The following PTPN13 variants were observed in gnomAD, a reference collection of about 807,000 sequenced individuals.
PTPN13 encodes protein tyrosine phosphatase non-receptor type 13, also known as tyrosine-protein phosphatase non-receptor type 13.
In PTPN13, 191 loss-of-function variants were observed where a neutral mutation model predicts 284.0. The ratio of observed to expected loss-of-function variants is 0.67; its 90% CI spans 0.60 to 0.76. The LOEUF (loss-of-function observed/expected upper bound fraction) is 0.76, where lower values mean the gene tolerates loss of function less well. Ranked by LOEUF, PTPN13 falls within the 30% of genes least tolerant of loss-of-function variation. The pLI is 0.00. For missense variants in PTPN13, 2,797 were observed against 2,939.9 expected, an observed-to-expected ratio of 0.95 and a Z score of 1.12; for synonymous variants, 986 against 1,022.3, an observed-to-expected ratio of 0.96 and a Z score of 0.68.
chr4:86,773,132 A>C (rs1348643052), intron 32 of PTPN13, among the ~76,000 whole-genome samples, 174 bp downstream of exon 32: 1 of 152,172 alleles, frequency 6.6e-6, no homozygotes, highest in Non-Finnish European at 1.5e-5. Context: ...AATAAGGCAA[A>C]AAGACCTGAG....
chr4:86,765,092 A>T (rs903521166), intron 25 of PTPN13, among the ~76,000 whole-genome samples: 1 of 152,202 alleles, frequency 6.6e-6, no homozygotes, highest in Non-Finnish European at 1.5e-5. Flanking sequence ...ATATTTCTGT[A>T]TACTCTCCAT....
At chr4:86,797,633 C>T (rs1405691657) in intron 41 of PTPN13, among the ~76,000 whole-genome samples, 1 of 151,856 alleles carries the variant, frequency 6.6e-6, no homozygotes, top group Admixed American at 6.6e-5. Context: ...AAAGCGTGAC[C>T]CTAAATGGAA....
intron 2 of PTPN13, among the ~76,000 whole-genome samples, chr4:86,637,264 G>A (rs1578304680): frequency 6.6e-6 from 1 of 151,646 alleles, no homozygotes; most frequent in South Asian, 2.1e-4. Context: ...GGAGGAACTG[G>A]TACCATTCCT....
chr4:86,733,446 G>A (rs1370607141), intron 12 of PTPN13, among the ~76,000 whole-genome samples: 3 of 152,028 alleles, frequency 2.0e-5, no homozygotes, highest in African/African-American at 4.8e-5. Context: ...AGGCAACAAA[G>A]TACTATAAAT....
At chr4:86,760,739 G>C (rs892703336) in intron 23 of PTPN13, among the ~76,000 whole-genome samples, 2 of 151,684 alleles carry the variant, frequency 1.3e-5, no homozygotes, top group Non-Finnish European at 2.9e-5. Context: ...TTTTTTTTCT[G>C]TCCATGCTAA....
At chr4:86,686,857 T>G in intron 4 of PTPN13, 82 bp downstream of exon 4, 1 of 925,224 alleles carries the variant, frequency 1.1e-6, no homozygotes, top group Non-Finnish European at 1.7e-6. Context: ...CACACGTTTA[T>G]ACGTGTTCTA....
At chr4:86,699,047 TTGGCCTTCAAC>T (rs1371899262) in intron 6 of PTPN13, among the ~76,000 whole-genome samples, 1 of 152,112 alleles carries the variant, frequency 6.6e-6, no homozygotes, top group African/African-American at 2.4e-5. Context: ...ATATTGGGGA[TTGGCCTTCAAC>T]TGGCAGGAAA....
chr4:86,716,514 GT>G lies in PTPN13; in HGVS notation c.1196-12del. 1 of 1,477,290 alleles carries G rather than the reference GT, an allele frequency of 6.8e-7. No homozygotes were observed. Among genetic ancestry groups the G allele is most frequent in the Non-Finnish European group, 9.2e-7 (1 of 1,086,440 alleles). The allele number at this position is 1,477,290 out of a possible 1,614,324, so 91.5% of individuals were successfully genotyped here. The stretch of plus-strand genomic sequence containing the variant: ...AATGAGTTTGCTTTCTAATCTTTTT[GT>G]TTTAATCCTTTTAGAACCAGTTCGA... On this transcript the variant is annotated splice_polypyrimidine_tract_variant and intron_variant, in intron 7 of 47. Transcript: ENST00000411767.
At chr4:86,615,825 C>T (rs1720482995) in intron 1 of PTPN13, among the ~76,000 whole-genome samples, 1 of 152,144 alleles carries the variant, frequency 6.6e-6, no homozygotes, top group Non-Finnish European at 1.5e-5. Flanking sequence ...AATGTTTTAA[C>T]ATTAAAAGAT....
chr4:86,693,094 G>T (rs984173028), intron 5 of PTPN13, among the ~76,000 whole-genome samples: 41 of 110,976 alleles, frequency 3.7e-4, no homozygotes, highest in African/African-American at 1.2e-3. Context: ...AAAAAAAAAA[G>T]ACTTAGCATT....
rs183306933 is a variant in PTPN13 at position 86,701,635 on chromosome 4, A to G, written c.1029A>G (p.Arg343=). 6.2e-7 allele frequency: 1 copy of G among 1,613,966 alleles called. No homozygotes were observed. The highest frequency in any genetic ancestry group is 8.5e-7 in the Non-Finnish European group (1 of 1,179,870). The part of the protein sequence containing the change: ...TSTTPRKKEA[R]YSDGSIALDI... ...CTACTCCTAGAAAAAAGGAGGCAAGATACTCAGATGGAAGTATAGCCTTGG... is the reference window on the plus strand; with the variant it reads ...CTACTCCTAGAAAAAAGGAGGCAAGGTACTCAGATGGAAGTATAGCCTTGG... The change falls in exon 7 of 48, where the codon AGA becomes AGG. Residue 343 remains arginine (R), a synonymous_variant. Transcript: ENST00000411767.
Position 86,775,515 on chromosome 4 carries a change from C to T in PTPN13, c.5754C>T (p.Val1918=), listed in dbSNP as rs761609909. ...VYISDINPRS[V]AAIEGNLQLL... ...TTAGTGATATTAATCCAAGGTCCGT[C>T]GCAGCCATTGAGGGTAATCTCCAGC... The change falls in exon 35 of 48, where the codon GTC becomes GTT. Residue 1918 remains valine (V), a synonymous_variant. Coordinates refer to ENST00000411767, the MANE Select transcript of PTPN13 (RefSeq NM_080683.3). 17 of 1,612,330 alleles carry T rather than the reference C, an allele frequency of 1.1e-5. No homozygotes were observed. Among genetic ancestry groups the T allele is most frequent in the African/African-American group, 2.7e-5 (2 of 74,854 alleles).
intron 7 of PTPN13, among the ~76,000 whole-genome samples, chr4:86,714,894 G>T (rs1352750937): frequency 6.6e-6 from 1 of 152,166 alleles, no homozygotes; most frequent in Admixed American, 6.6e-5. Context: ...ACAAAGTAGT[G>T]TAAGAGTTGC....
At chr4:86,701,906 C>A in intron 7 of PTPN13, 105 bp downstream of exon 7, 2 of 1,134,804 alleles carry the variant, frequency 1.8e-6, no homozygotes, top group African/African-American at 1.6e-5. Flanking sequence ...TTTTCACTGC[C>A]AAATTTTTGT....
At chr4:86,616,666 C>T (rs1476758730) in intron 1 of PTPN13, among the ~76,000 whole-genome samples, 1 of 152,070 alleles carries the variant, frequency 6.6e-6, no homozygotes, top group Non-Finnish European at 1.5e-5. Context: ...CCTCCCCACC[C>T]ACTCTTTCTC....
intron 1 of PTPN13, among the ~76,000 whole-genome samples, chr4:86,605,452 A>G (rs1455410107): frequency 6.6e-6 from 1 of 151,912 alleles, no homozygotes; most frequent in Non-Finnish European, 1.5e-5. Flanking sequence ...TGAGATTAAG[A>G]GATTTAAAAT....
chr4:86,734,557 T>A, intron 13 of PTPN13, 101 bp downstream of exon 13: 2 of 1,269,350 alleles, frequency 1.6e-6, no homozygotes, highest in Non-Finnish European at 1.1e-6. Context: ...AATGATAATG[T>A]CTGCTTTATC....
At chr4:86,604,916 A>T (rs1764617926) in intron 1 of PTPN13, among the ~76,000 whole-genome samples, 2 of 152,066 alleles carry the variant, frequency 1.3e-5, no homozygotes, top group Admixed American at 1.3e-4. Flanking sequence ...ATATTGTAAA[A>T]TAATGATTAA....
At chr4:86,686,173 C>T (rs533405155) in intron 3 of PTPN13, among the ~76,000 whole-genome samples, 1 of 152,184 alleles carries the variant, frequency 6.6e-6, no homozygotes, top group Admixed American at 6.5e-5. Context: ...ACGAGCCTGG[C>T]CAACATGGCA....
Sources: allele counts gnomAD v4.1 joint callset (sites outside exome capture counted in the v4.1 genomes callset), GRCh38; gene constraint gnomAD v4.1.1; transcripts MANE v1.5; gene names NCBI Gene and HGNC (gene_info 2026-07-23, HGNC 2026-07-21).